PCDHGA1: variants seen among roughly 807,000 people sequenced by gnomAD.
PCDHGA1 encodes the protein protocadherin gamma subfamily A, 1.
A neutral mutation model predicts 58.0 loss-of-function variants in PCDHGA1; 32 were observed. The observed-to-expected ratio is 0.55, with a 90% CI of 0.42 to 0.74. The LOEUF (loss-of-function observed/expected upper bound fraction) is 0.74, where lower values mean the gene tolerates loss of function less well. Ranked by LOEUF, PCDHGA1 falls within the 30% of genes least tolerant of loss-of-function variation. The pLI is 0.00. For synonymous variants in PCDHGA1, 498 were observed against 501.1 expected, an observed-to-expected ratio of 0.99 and a Z score of 0.08; for missense variants, 1,205 against 1,182.3, an observed-to-expected ratio of 1.02 and a Z score of -0.28.
rs138087785 is a variant in PCDHGA1, at chr5:141,383,992, G to T, written c.2421+50887G>T. 9.8e-5 allele frequency: 158 copies of T among 1,613,878 alleles called. No homozygotes were observed. The East Asian group carries it at 3.5e-3, about 35-fold the overall frequency. On this transcript the variant is annotated intron_variant, in intron 1 of 3. Coordinates refer to ENST00000517417, the MANE Select transcript of PCDHGA1 (RefSeq NM_018912.3). Reference sequence around the variant, plus strand: ...CCCTGAAGACACACCTCTTGGGACAGTCATTGCTCTTTTCTACCTACAAGA... The same window carrying T: ...CCCTGAAGACACACCTCTTGGGACATTCATTGCTCTTTTCTACCTACAAGA...
intron 1 of PCDHGA1, chr5:141,387,709 A>C (rs1404514491): frequency 3.7e-5 from 37 of 1,008,514 alleles, no homozygotes; most frequent in Admixed American, 1.5e-4. Flanking sequence ...GGGCAGCCCC[A>C]GCTCAGACTC....
intron 1 of PCDHGA1, among the ~76,000 whole-genome samples, chr5:141,348,225 G>A (rs6877775): frequency 0.14 from 21,501 of 152,124 alleles, 2,088 homozygotes; most frequent in African/African-American, 0.28. Context: ...ATTAGGAAAA[G>A]GCACATTTAA....
In PCDHGA1 at chr5:141,491,177, T is replaced by G; in HGVS notation, c.2422-3630T>G. The G allele has an allele frequency of 6.2e-7, 1 of 1,614,158 alleles. No homozygotes were observed. Among genetic ancestry groups the G allele is most frequent in the Non-Finnish European group, 8.5e-7 (1 of 1,180,010 alleles). Reference sequence around the variant, plus strand: ...GACTCTGACACCCAGCAGGTGGTGGTCCTGGTGAGGGACAATGGTGACCCT... The same window carrying G: ...GACTCTGACACCCAGCAGGTGGTGGGCCTGGTGAGGGACAATGGTGACCCT... On this transcript the variant is annotated intron_variant, in intron 1 of 3. Transcript: ENST00000517417. This position sits in a 1 kb window ranked among gnomAD's most constrained non-coding sequence, Gnocchi z 6.9.
intron 1 of PCDHGA1, chr5:141,389,559 C>T (rs1388057704): frequency 1.2e-6 from 2 of 1,613,274 alleles, no homozygotes; most frequent in East Asian, 2.2e-5. Flanking sequence ...CAATGCGCCA[C>T]GGGTGCTGTA....
chr5:141,462,774 A>G (rs890366708), intron 1 of PCDHGA1, among the ~76,000 whole-genome samples: 1 of 152,126 alleles, frequency 6.6e-6, no homozygotes, highest in Admixed American at 6.6e-5. Context: ...GCTTGGGGTC[A>G]TAATTTGTTG....
At position 141,345,401 on chromosome 5, in the gene PCDHGA1, C is replaced by G. The variant is rs761724367; in HGVS notation, c.2421+12296C>G. On this transcript the variant is annotated intron_variant, in intron 1 of 3. Coordinates refer to ENST00000517417, the MANE Select transcript of PCDHGA1 (RefSeq NM_018912.3). ...ACCCACCCACCTTCCCTCATTTATC[C>G]TACTCCGCCTACATTCCAGAAAACA... is the stretch of plus-strand genomic sequence containing the variant. 1.5e-5 allele frequency: 24 copies of G among 1,614,016 alleles called. No individual in the cohort carries two copies. In the East Asian group the frequency reaches 4.7e-4, roughly 31 times the overall value.
intron 1 of PCDHGA1, among the ~76,000 whole-genome samples, chr5:141,437,686 G>A (rs1025629140): frequency 2.6e-5 from 4 of 151,740 alleles, no homozygotes; most frequent in African/African-American, 9.7e-5. Flanking sequence ...AACTGATGAG[G>A]CTAAATCTCA....
At chr5:141,426,826 T>C (rs2096963111) in intron 1 of PCDHGA1, 1 of 456,600 alleles carries the variant, frequency 2.2e-6, no homozygotes, top group Admixed American at 2.3e-5. Flanking sequence ...TCTCTGATGA[T>C]GGACAAGACT....
chr5:141,360,247 C>G (rs762222973), intron 1 of PCDHGA1: 2 of 1,613,916 alleles, frequency 1.2e-6, no homozygotes, highest in Non-Finnish European at 1.7e-6. Flanking sequence ...CTATTCAATT[C>G]CAGAGGAGCT....
intron 1 of PCDHGA1, chr5:141,394,476 C>T (rs763209018): frequency 3.8e-5 from 61 of 1,614,238 alleles, no homozygotes; most frequent in Admixed American, 1.7e-4. Flanking sequence ...CGTGCTGGAC[C>T]AGAATGACAA....
Position 141,393,770 on chromosome 5 carries a change from A to G in PCDHGA1, c.2421+60665A>G, listed in dbSNP as rs372280460. 83 of 1,613,864 alleles carry G rather than the reference A, an allele frequency of 5.1e-5. 1 individual carries two copies. Among genetic ancestry groups the G allele is most frequent in the Middle Eastern group, 1.6e-4 (1 of 6,084 alleles). On this transcript the variant is annotated intron_variant, in intron 1 of 3. Transcript: ENST00000517417. ...AATGTTCATTTTATGAAATGGAAAT[A>G]CAAGCCGAAGATGTGGGGGCACTTC... is the stretch of plus-strand genomic sequence containing the variant.
intron 1 of PCDHGA1, chr5:141,393,707 T>A: frequency 6.2e-7 from 1 of 1,613,882 alleles, no homozygotes; most frequent in African/African-American, 1.3e-5. Flanking sequence ...ATGAAAATAC[T>A]GGGGAAATAT....
intron 1 of PCDHGA1, chr5:141,426,599 A>G (rs1171205143): frequency 2.7e-6 from 1 of 377,348 alleles, no homozygotes; most frequent in Non-Finnish European, 5.4e-6. Flanking sequence ...TCATACCCTT[A>G]GAGATTGTAG....
At chr5:141,393,363 A>T (rs1464639963) in intron 1 of PCDHGA1, 1 of 1,613,930 alleles carries the variant, frequency 6.2e-7, no homozygotes, top group South Asian at 1.1e-5. Flanking sequence ...GGACGTGCAG[A>T]CTGGAGACAA....
chr5:141,409,143 G>C (rs778597273), intron 1 of PCDHGA1: 2 of 1,613,986 alleles, frequency 1.2e-6, no homozygotes, highest in Admixed American at 3.3e-5. Context: ...GATGTAGAAA[G>C]GTACACCATG....
rs375166529 is a variant in PCDHGA1, at chr5:141,399,734, C to G, written c.2421+66629C>G. The G allele has an allele frequency of 3.7e-6, 6 of 1,613,220 alleles. No homozygotes were observed. The African/African-American group carries it at 4.0e-5, about 11-fold the overall frequency. ...CTACAGGCCCGCGACCAGGGCTCGC[C>G]TGCGCTCAGCGCAAACGTGAGCCTG... On this transcript the variant is annotated intron_variant, in intron 1 of 3. Transcript: ENST00000517417.
chr5:141,348,442 GA>G (rs201369878), intron 1 of PCDHGA1, among the ~76,000 whole-genome samples: 4 of 150,534 alleles, frequency 2.7e-5, no homozygotes, highest in East Asian at 1.9e-4. Context: ...ATCATTTTTA[GA>G]AAAAAAAATG....
At chr5:141,409,424 G>A in intron 1 of PCDHGA1, 1 of 1,613,998 alleles carries the variant, frequency 6.2e-7, no homozygotes, top group Non-Finnish European at 8.5e-7. Context: ...GGTGACAGAT[G>A]GAGCCCTGGA....
At chr5:141,427,966 T>C (rs1458559803) in intron 1 of PCDHGA1, 10 of 1,590,764 alleles carry the variant, frequency 6.3e-6, no homozygotes, top group African/African-American at 1.3e-5. Flanking sequence ...CCGCGGGTGC[T>C]GTACCCCGCG....
Sources: allele counts gnomAD v4.1 joint callset (sites outside exome capture counted in the v4.1 genomes callset), GRCh38; gene constraint gnomAD v4.1.1; non-coding constraint Gnocchi (gnomAD v3.1); transcripts MANE v1.5; gene names NCBI Gene and HGNC (gene_info 2026-07-23, HGNC 2026-07-21).